Variants in SP100 observed in about 807,000 individuals in gnomAD.
SP100 encodes the protein nuclear autoantigen Sp-100.
Under a neutral mutation model 130.0 loss-of-function variants are expected in SP100, and 84 were observed. That is an observed-to-expected ratio of 0.65 (90% confidence interval 0.54 to 0.77). SP100 has a LOEUF of 0.77. SP100 is among the 30% of genes least tolerant of loss of function. The pLI is 0.00. For synonymous variants in SP100, 331 were observed against 351.7 expected (o/e 0.94, Z 0.66); for missense variants, 978 against 1,052.2 (o/e 0.93, Z 0.97).
intron 24 of SP100, among the ~76,000 whole-genome samples, chr2:230,516,729 G>A (rs1048766919): frequency 3.9e-5 from 6 of 152,150 alleles, no homozygotes; most frequent in African/African-American, 1.4e-4. Context: ...TCAAATGCTT[G>A]TAGAGAAAAT....
intron 2 of SP100, among the ~76,000 whole-genome samples, chr2:230,422,830 C>A (rs1465150008): frequency 1.3e-5 from 2 of 152,134 alleles, no homozygotes; most frequent in Non-Finnish European, 2.9e-5. Context: ...CATGGTCATG[C>A]CATATGACTC....
intron 19 of SP100, among the ~76,000 whole-genome samples, chr2:230,500,817 T>C (rs1395740359): frequency 6.6e-6 from 1 of 152,212 alleles, no homozygotes; most frequent in African/African-American, 2.4e-5. Flanking sequence ...CTACCATACT[T>C]GGCCCAATCA....
At chr2:230,462,913 G>A (rs1162354472) in intron 10 of SP100, among the ~76,000 whole-genome samples, 1 of 152,174 alleles carries the variant, frequency 6.6e-6, no homozygotes, top group African/African-American at 2.4e-5. Flanking sequence ...AGATGTTATT[G>A]TCATCTGATC....
intron 2 of SP100, among the ~76,000 whole-genome samples, chr2:230,425,027 A>G (rs1165685136): frequency 6.6e-6 from 1 of 151,906 alleles, no homozygotes; most frequent in East Asian, 1.9e-4. Context: ...TTATTGAGGT[A>G]TAATTGTATA....
At chr2:230,450,335 T>C (rs529038007) in intron 8 of SP100, 80 bp downstream of exon 8, 2 of 1,011,226 alleles carry the variant, frequency 2.0e-6, no homozygotes, top group Non-Finnish European at 3.1e-6. Context: ...TGGTTGGTTG[T>C]TGTTTTACCA....
At chr2:230,508,310 A>AAT in intron 23 of SP100, 6 of 129,134 alleles carry the variant, frequency 4.6e-5, no homozygotes, top group Non-Finnish European at 7.8e-5. Flanking sequence ...TAAATGCCAT[A>AAT]CTTTTTTTTT....
At position 230,511,174 on chromosome 2, in the gene SP100, T is replaced by C. The variant is rs769307077; in HGVS notation, c.2094+8T>C. 26 of 1,602,814 alleles carry C rather than the reference T, an allele frequency of 1.6e-5. No homozygotes were observed. Among genetic ancestry groups the C allele is most frequent in the Admixed American group, 5.0e-5 (3 of 60,006 alleles). On this transcript the variant is annotated splice_region_variant and intron_variant, in intron 24 of 28. Coordinates refer to ENST00000340126, the MANE Select transcript of SP100 (RefSeq NM_001080391.2). Reference sequence around the variant, plus strand: ...ACCTTAGTTGACCCTTGTGTAAGTATAAATTTCCGACTATGACCCCAAAAT... The same window carrying C: ...ACCTTAGTTGACCCTTGTGTAAGTACAAATTTCCGACTATGACCCCAAAAT...
intron 2 of SP100, among the ~76,000 whole-genome samples, chr2:230,424,065 G>A (rs1341959513): frequency 6.6e-6 from 1 of 152,116 alleles, no homozygotes; most frequent in African/African-American, 2.4e-5. Flanking sequence ...TTGGGGAAGG[G>A]TGATGTGAAG....
intron 2 of SP100, among the ~76,000 whole-genome samples, chr2:230,435,742 C>G (rs1382750183): frequency 6.6e-6 from 1 of 152,118 alleles, no homozygotes; most frequent in Non-Finnish European, 1.5e-5. Context: ...CTGAAACACC[C>G]AAGTGTGCAT....
chr2:230,521,539 A>ATGGATTTGAGACTGATCTCCCATCTCCT (rs1691170844), intron 24 of SP100, among the ~76,000 whole-genome samples: 1 of 152,082 alleles, frequency 6.6e-6, no homozygotes, highest in Non-Finnish European at 1.5e-5. Flanking sequence ...AGTTATGGAG[A>ATGGATTTGAGACTGATCTCCCATCTCCT]TGGATTTGAG....
At chr2:230,482,733 T>C (rs1256526665) in intron 17 of SP100, among the ~76,000 whole-genome samples, 1 of 152,124 alleles carries the variant, frequency 6.6e-6, no homozygotes, top group Non-Finnish European at 1.5e-5. Context: ...CTGGGCTTTC[T>C]AGTCTGATCC....
chr2:230,496,442 C>T (rs2066670076), intron 18 of SP100, among the ~76,000 whole-genome samples: 1 of 152,116 alleles, frequency 6.6e-6, no homozygotes, highest in African/African-American at 2.4e-5. Flanking sequence ...CACTCAGTGT[C>T]TATTGCTTTC....
chr2:230,462,362 T>C (rs1189184705), intron 9 of SP100, 73 bp from the exon 10 acceptor site: 1 of 1,179,848 alleles, frequency 8.5e-7, no homozygotes, highest in Non-Finnish European at 1.3e-6. Flanking sequence ...GTGCTCTCAT[T>C]GTGGAATTTC....
intron 24 of SP100, among the ~76,000 whole-genome samples, chr2:230,531,831 C>G (rs1358469316): frequency 6.6e-6 from 1 of 152,086 alleles, no homozygotes; most frequent in Non-Finnish European, 1.5e-5. Context: ...ACAAAATATG[C>G]ATCATATGTT....
chr2:230,461,438 T>G lies in SP100; in HGVS notation c.973+24T>G, dbSNP rs537587632. The G allele has an allele frequency of 3.1e-6, 5 of 1,613,026 alleles. No homozygotes were observed. In the South Asian group the frequency reaches 5.5e-5, roughly 18 times the overall value. On this transcript the variant is annotated intron_variant, in intron 9 of 28. Transcript: ENST00000340126. Reference sequence around the variant, plus strand: ...AGGTAAGGCTGACTGGGAGAGTTTGTAACTGTGAGTCACAGGTTACCAGGT... The same window carrying G: ...AGGTAAGGCTGACTGGGAGAGTTTGGAACTGTGAGTCACAGGTTACCAGGT...
intron 2 of SP100, among the ~76,000 whole-genome samples, chr2:230,425,336 AC>A (rs1392804281): frequency 6.7e-6 from 1 of 149,690 alleles, no homozygotes; most frequent in Non-Finnish European, 1.5e-5. Context: ...CTGCTATTTG[AC>A]CCTCTGTTTC....
At chr2:230,447,573 AT>A (rs2063764178) in intron 5 of SP100, among the ~76,000 whole-genome samples, 1 of 152,146 alleles carries the variant, frequency 6.6e-6, no homozygotes, top group Non-Finnish European at 1.5e-5. Flanking sequence ...GATCACACAG[AT>A]CTCATGGAAA....
intron 17 of SP100, among the ~76,000 whole-genome samples, chr2:230,487,987 G>A (rs986851753): frequency 2.2e-4 from 33 of 152,060 alleles, no homozygotes; most frequent in African/African-American, 6.8e-4. Flanking sequence ...CTCTCTGCTT[G>A]CCTACTGATG....
chr2:230,473,466 T>G, intron 16 of SP100, 26 bp downstream of exon 16: 1 of 1,393,106 alleles, frequency 7.2e-7, no homozygotes, highest in Non-Finnish European at 1.0e-6. Context: ...GGTCTTGGGA[T>G]GGAAGTGGCT....
Sources: allele counts gnomAD v4.1 joint callset (sites outside exome capture counted in the v4.1 genomes callset), GRCh38; gene constraint gnomAD v4.1.1; transcripts MANE v1.5; gene names NCBI Gene and HGNC (gene_info 2026-07-23, HGNC 2026-07-21).